MSRA: variants seen among roughly 807,000 people sequenced by gnomAD.
The protein encoded by MSRA is mitochondrial peptide methionine sulfoxide reductase.
MSRA carries 54 observed loss-of-function variants against 31.3 expected under a neutral mutation model. The observed-to-expected ratio is 1.73, with a 90% CI of 1.39 to 2.17. The LOEUF is 2.17. Among genes scored for constraint, MSRA ranks in the 30% most tolerant of loss-of-function variants. The pLI is 0.00. For synonymous variants in MSRA, 169 were observed against 116.5 expected (o/e 1.45, Z -2.90); for missense variants, 507 against 300.9 (o/e 1.69, Z -5.07).
chr8:10,390,640 GT>G (rs1384016009), intron 5 of MSRA, among the ~76,000 whole-genome samples: 1 of 152,156 alleles, frequency 6.6e-6, no homozygotes, highest in Admixed American at 6.5e-5. Context: ...AATCACAGCA[GT>G]AAAAAGAGAC....
At chr8:10,140,522 A>G (rs1420639270) in intron 1 of MSRA, among the ~76,000 whole-genome samples, 2 of 152,344 alleles carry the variant, frequency 1.3e-5, no homozygotes, top group Non-Finnish European at 2.9e-5. Context: ...GATGGCCTAT[A>G]ATAAATTCAC....
chr8:10,402,968 A>G (rs1486771129), intron 5 of MSRA, among the ~76,000 whole-genome samples: 1 of 152,226 alleles, frequency 6.6e-6, no homozygotes, highest in African/African-American at 2.4e-5. Flanking sequence ...CCAAAGGAGT[A>G]TCTGAAAACT....
intron 1 of MSRA, among the ~76,000 whole-genome samples, chr8:10,069,867 A>T (rs1797645068): frequency 6.6e-6 from 1 of 152,226 alleles, no homozygotes; most frequent in South Asian, 2.1e-4. Flanking sequence ...GTTCTTTTTA[A>T]TGGCTGCATG....
intron 3 of MSRA, chr8:10,251,058 CG>C (rs1300915730): frequency 6.6e-6 from 1 of 152,172 alleles, no homozygotes; most frequent in Admixed American, 6.5e-5. Context: ...ACACGGAACC[CG>C]TTTTCTTCTC....
chr8:10,077,857 G>A (rs1252977931), intron 1 of MSRA, among the ~76,000 whole-genome samples: 1 of 152,006 alleles, frequency 6.6e-6, no homozygotes, highest in African/African-American at 2.4e-5. Flanking sequence ...ACTCATCCCC[G>A]GCCATGTGTT....
At chr8:10,288,623 C>A (rs1421216270) in intron 3 of MSRA, among the ~76,000 whole-genome samples, 2 of 152,118 alleles carry the variant, frequency 1.3e-5, no homozygotes, top group Non-Finnish European at 2.9e-5. Flanking sequence ...AGACCAGCAA[C>A]AGTGTTTCAG....
chr8:10,115,751 C>T (rs929587230), intron 1 of MSRA, among the ~76,000 whole-genome samples: 6 of 152,120 alleles, frequency 3.9e-5, no homozygotes, highest in African/African-American at 7.2e-5. Flanking sequence ...ACACTGGTCC[C>T]GCAGGGCAAG....
intron 3 of MSRA, among the ~76,000 whole-genome samples, chr8:10,297,759 C>G (rs1800621044): frequency 6.6e-6 from 1 of 152,150 alleles, no homozygotes; most frequent in Non-Finnish European, 1.5e-5. Flanking sequence ...TTTAAACAAC[C>G]AAGCTTCTTT....
intron 5 of MSRA, among the ~76,000 whole-genome samples, chr8:10,368,248 G>A (rs573498453): frequency 1.3e-5 from 2 of 152,142 alleles, no homozygotes; most frequent in African/African-American, 4.8e-5. Flanking sequence ...TACTTTTAAC[G>A]CATTTTTACA....
At chr8:10,170,073 G>T (rs1805469674) in intron 1 of MSRA, among the ~76,000 whole-genome samples, 1 of 131,492 alleles carries the variant, frequency 7.6e-6, no homozygotes, top group Non-Finnish European at 1.6e-5. Flanking sequence ...TTTAAGTAGA[G>T]ACAGGGTTTC....
chr8:10,395,735 G>A (rs1405523974), intron 5 of MSRA, among the ~76,000 whole-genome samples: 2 of 152,152 alleles, frequency 1.3e-5, no homozygotes, highest in Non-Finnish European at 2.9e-5. Flanking sequence ...GTACCTTTCA[G>A]CACCAGACAC....
intron 1 of MSRA, among the ~76,000 whole-genome samples, chr8:10,165,632 A>G (rs28480437): frequency 6.6e-6 from 1 of 152,140 alleles, no homozygotes; most frequent in African/African-American, 2.4e-5. Flanking sequence ...AAAAGCCATG[A>G]TATCTCTGTA....
intron 1 of MSRA, among the ~76,000 whole-genome samples, chr8:10,132,205 G>A (rs971434006): frequency 3.3e-5 from 5 of 152,160 alleles, no homozygotes; most frequent in Non-Finnish European, 7.3e-5. Context: ...GATTTTGCCC[G>A]AGGAAGTTAA....
chr8:10,364,538 A>T (rs1448986190), intron 5 of MSRA, among the ~76,000 whole-genome samples: 1 of 152,232 alleles, frequency 6.6e-6, no homozygotes. Flanking sequence ...AGGAAATGAA[A>T]AATAGCCTAA....
chr8:10,284,925 G>A (rs1000652362), intron 3 of MSRA, among the ~76,000 whole-genome samples: 12 of 151,416 alleles, frequency 7.9e-5, no homozygotes, highest in Non-Finnish European at 1.5e-4. Context: ...CTCTAGTTTT[G>A]CATCTTCAAA....
chr8:10,298,562 A>C (rs1475724958), intron 3 of MSRA, among the ~76,000 whole-genome samples: 1 of 152,216 alleles, frequency 6.6e-6, no homozygotes, highest in Non-Finnish European at 1.5e-5. Context: ...TGATGATTGC[A>C]AAACATTGTG....
At chr8:10,242,535 T>C (rs986266725) in intron 2 of MSRA, among the ~76,000 whole-genome samples, 3 of 152,176 alleles carry the variant, frequency 2.0e-5, no homozygotes, top group Admixed American at 2.0e-4. Context: ...TAACAGTGCA[T>C]TGAAATATAT....
chr8:10,339,939 C>T (rs1171041024), intron 5 of MSRA, among the ~76,000 whole-genome samples: 1 of 152,128 alleles, frequency 6.6e-6, no homozygotes, highest in African/African-American at 2.4e-5. Context: ...CCTACCCCAC[C>T]CAGGCCTCTG....
At chr8:10,208,770 C>G (rs941572622) in intron 2 of MSRA, among the ~76,000 whole-genome samples, 2 of 152,228 alleles carry the variant, frequency 1.3e-5, no homozygotes, top group Admixed American at 1.3e-4. Context: ...TGTGATGTCT[C>G]TCATCCTAAA....
Sources: allele counts gnomAD v4.1 joint callset (sites outside exome capture counted in the v4.1 genomes callset), GRCh38; gene constraint gnomAD v4.1.1; transcripts MANE v1.5; gene names NCBI Gene and HGNC (gene_info 2026-07-23, HGNC 2026-07-21).